Variants in CEACAM18 observed in about 807,000 individuals in gnomAD.
CEACAM18 encodes CEA cell adhesion molecule 18.
CEACAM18 carries 33 observed loss-of-function variants against 34.3 expected under a neutral mutation model. That is an observed-to-expected ratio of 0.96 (90% confidence interval 0.73 to 1.29). The LOEUF (loss-of-function observed/expected upper bound fraction) is 1.29. Among genes scored for constraint, CEACAM18 ranks in the 50% most tolerant of loss-of-function variants. The pLI, the probability that CEACAM18 is intolerant of heterozygous loss-of-function variation, is 0.00. For synonymous variants in CEACAM18, 169 were observed against 180.9 expected (o/e 0.93, Z 0.53); for missense variants, 474 against 485.0 (o/e 0.98, Z 0.21).
intron 4 of CEACAM18, 91 bp downstream of exon 4, chr19:51,483,387 C>T: frequency 1.4e-6 from 2 of 1,470,648 alleles, no homozygotes. Context: ...GTGCCACCTC[C>T]ACTGTGCCAT....
chr19:51,490,827 TGTC>T (rs758568392), exon 6 of CEACAM18: 8 of 393,360 alleles, frequency 2.0e-5, no homozygotes, highest in Non-Finnish European at 3.1e-5. Context: ...CTGAAGATGA[TGTC>T]GTGGGTAGCG....
At chr19:51,481,330 A>G in intron 2 of CEACAM18, 63 bp from the exon 3 acceptor site, 1 of 1,054,058 alleles carries the variant, frequency 9.5e-7, no homozygotes, top group Non-Finnish European at 1.3e-6. Context: ...TCCCCTGGAG[A>G]GGAGCAGAGC....
intron 1 of CEACAM18, among the ~76,000 whole-genome samples, chr19:51,479,735 C>G (rs1000199612): frequency 6.6e-6 from 1 of 152,028 alleles, no homozygotes; most frequent in African/African-American, 2.4e-5. Context: ...GAGTCCCTGC[C>G]GGGAATGGGG....
intron 5 of CEACAM18, among the ~76,000 whole-genome samples, chr19:51,486,180 T>C (rs2058138008): frequency 6.6e-6 from 1 of 151,974 alleles, no homozygotes; most frequent in Admixed American, 6.6e-5. Flanking sequence ...GATGGTAGTG[T>C]TGCTAGTGAT....
In CEACAM18 at chr19:51,490,715, G is replaced by A. The variant is rs1990075957; in HGVS notation, c.*63G>A. 9 of 940,616 alleles carry A rather than the reference G, an allele frequency of 9.6e-6. No homozygotes were observed. The Admixed American group carries it at 1.7e-4, about 18-fold the overall frequency. 58.3% of individuals were successfully genotyped at this position (940,616 alleles called of 1,614,324 possible). Reference sequence around the variant, plus strand: ...GGCCAGCGAGGCTGAAAAGGGTCCAGGGTCTCTTTGGAGGGTACTGGCAAG... The same window carrying A: ...GGCCAGCGAGGCTGAAAAGGGTCCAAGGTCTCTTTGGAGGGTACTGGCAAG... On this transcript the variant is annotated 3_prime_UTR_variant, in exon 6 of 6. Transcript: ENST00000396477.
exon 3 of CEACAM18, chr19:51,481,448 G>C: frequency 6.2e-7 from 1 of 1,613,990 alleles, no homozygotes; most frequent in South Asian, 1.1e-5. Context: ...TGGAGAACAT[G>C]GATTCTGTGG....
chr19:51,481,689 C>G, intron 3 of CEACAM18, 24 bp downstream of exon 3: 2 of 1,600,030 alleles, frequency 1.2e-6, no homozygotes, highest in Non-Finnish European at 1.7e-6. Context: ...GCTCCTGGGA[C>G]TGAAGCCAGG....
At chr19:51,483,965 A>T (rs1304021521) in intron 4 of CEACAM18, among the ~76,000 whole-genome samples, 1 of 152,182 alleles carries the variant, frequency 6.6e-6, no homozygotes, top group Non-Finnish European at 1.5e-5. Context: ...GCAGCAGGTA[A>T]ATGCAGGGGC....
chr19:51,482,175 T>G (rs1233546887), intron 3 of CEACAM18, among the ~76,000 whole-genome samples: 2 of 152,196 alleles, frequency 1.3e-5, no homozygotes, highest in African/African-American at 4.8e-5. Flanking sequence ...ATTCTTTTTT[T>G]TTTATAGCCT....
intron 4 of CEACAM18, among the ~76,000 whole-genome samples, chr19:51,484,761 T>G (rs925155059): frequency 2.8e-5 from 3 of 105,598 alleles, no homozygotes; most frequent in African/African-American, 9.2e-5. Context: ...GTGAGACATC[T>G]CTTTGCTTAA....
At chr19:51,482,482 A>G (rs986004467) in intron 3 of CEACAM18, among the ~76,000 whole-genome samples, 5 of 152,118 alleles carry the variant, frequency 3.3e-5, no homozygotes, top group Non-Finnish European at 7.4e-5. Context: ...GGGGTGAACA[A>G]TTTCTGACCT....
exon 2 of CEACAM18, chr19:51,480,398 A>G: frequency 6.2e-7 from 1 of 1,612,998 alleles, no homozygotes; most frequent in Non-Finnish European, 8.5e-7. Context: ...AACCCTGGGG[A>G]TCAAGGGATA....
chr19:51,478,752 G>A (rs1989854548), intron 1 of CEACAM18, 58 bp downstream of exon 1: 1 of 1,247,812 alleles, frequency 8.0e-7, no homozygotes. Context: ...GCAGCTAGGA[G>A]CAAAGCGGCG....
chr19:51,484,680 C>A (rs1281400988), intron 4 of CEACAM18, among the ~76,000 whole-genome samples: 8 of 152,238 alleles, frequency 5.3e-5, no homozygotes, highest in South Asian at 4.1e-4. Flanking sequence ...TGTCACACAC[C>A]CCCCTTCCAG....
At chr19:51,481,714 T>C in intron 3 of CEACAM18, 49 bp downstream of exon 3, 1 of 1,562,682 alleles carries the variant, frequency 6.4e-7, no homozygotes, top group South Asian at 1.2e-5. Context: ...GTCTCAGGGC[T>C]TTCTAGGGAT....
At chr19:51,490,212 A>G in intron 5 of CEACAM18, among the ~76,000 whole-genome samples, 1 of 152,124 alleles carries the variant, frequency 6.6e-6, no homozygotes, top group South Asian at 2.1e-4. Flanking sequence ...GTTAAAGATA[A>G]CCCTGTCATA....
At chr19:51,489,524 A>T (rs1373318659) in intron 5 of CEACAM18, among the ~76,000 whole-genome samples, 3 of 152,140 alleles carry the variant, frequency 2.0e-5, no homozygotes, top group African/African-American at 7.2e-5. Flanking sequence ...GCATACGTGT[A>T]TGCGTTTTCA....
intron 5 of CEACAM18, among the ~76,000 whole-genome samples, chr19:51,487,013 C>T (rs992561074): frequency 7.9e-5 from 12 of 151,762 alleles, no homozygotes; most frequent in East Asian, 1.9e-4. Context: ...TAAGCCACCG[C>T]GCCTGGCCTT....
intron 1 of CEACAM18, among the ~76,000 whole-genome samples, chr19:51,479,811 T>G (rs180834133): frequency 6.6e-6 from 1 of 152,126 alleles, no homozygotes; most frequent in African/African-American, 2.4e-5. Flanking sequence ...TGTAGAGGCC[T>G]GGGGCATACA....
Sources: allele counts gnomAD v4.1 joint callset (sites outside exome capture counted in the v4.1 genomes callset), GRCh38; gene constraint gnomAD v4.1.1; transcripts MANE v1.5; gene names NCBI Gene and HGNC (gene_info 2026-07-23, HGNC 2026-07-21).